Variants in TENM2 observed in about 807,000 individuals in gnomAD.
TENM2 encodes teneurin transmembrane protein 2.
Under a neutral mutation model 245.2 loss-of-function variants are expected in TENM2, and 52 were observed. That is an observed-to-expected ratio of 0.21 (90% CI 0.17 to 0.27). The LOEUF is 0.27. TENM2 is among the 10% of genes least tolerant of loss of function. TENM2 has a pLI of 1.00. For missense variants in TENM2, 3,046 were observed against 3,666.8 expected (o/e 0.83, Z 4.37); for synonymous variants, 1,363 against 1,438.9 (o/e 0.95, Z 1.19).
At chr5:167,828,039 A>C (rs1289534780) in intron 2 of TENM2, among the ~76,000 whole-genome samples, 1 of 152,170 alleles carries the variant, frequency 6.6e-6, no homozygotes, top group African/African-American at 2.4e-5. Flanking sequence ...TTGCCTCTAC[A>C]TGACATTTAT....
In TENM2 at chr5:167,496,201, C is replaced by T. The variant is rs184295019; in HGVS notation, c.502+120728C>T. On this transcript the variant is annotated intron_variant, in intron 2 of 28. Transcript: ENST00000518659. ...ATTTCAGTCCATTGCTTGAATTATT[C>T]GCAAAATTTTCCTTCCTCATTTAGT... Among the ~76,000 whole-genome samples the T allele has an allele frequency of 3.3e-5, 5 of 152,110 alleles. No individual in the cohort carries two copies. In the East Asian group the frequency reaches 7.7e-4, roughly 24 times the overall value.
At chr5:167,823,314 G>GGTA (rs1231438917) in intron 2 of TENM2, among the ~76,000 whole-genome samples, 5 of 152,050 alleles carry the variant, frequency 3.3e-5, no homozygotes, top group Non-Finnish European at 5.9e-5. Context: ...GGGCAGTGAA[G>GGTA]GTAATTACCG....
intron 2 of TENM2, among the ~76,000 whole-genome samples, chr5:167,837,513 T>C (rs1769109031): frequency 6.6e-6 from 1 of 152,198 alleles, no homozygotes; most frequent in African/African-American, 2.4e-5. Flanking sequence ...AACATAGCAT[T>C]CATTCATTTC....
chr5:167,299,443 T>A (rs1755173348), intron 1 of TENM2, among the ~76,000 whole-genome samples: 1 of 152,046 alleles, frequency 6.6e-6, no homozygotes, highest in South Asian at 2.1e-4. Flanking sequence ...AATTTGCCAG[T>A]CCTGGGTGGG....
chr5:167,281,602 G>T (rs1485470147), upstream of TENM2, among the ~76,000 whole-genome samples: 1 of 152,004 alleles, frequency 6.6e-6, no homozygotes, highest in Non-Finnish European at 1.5e-5. Context: ...AACTATCAAG[G>T]GCAGAGCCAA....
chr5:167,277,163 TTTC>T, the TENM2 span, among the ~76,000 whole-genome samples: 1 of 152,076 alleles, frequency 6.6e-6, no homozygotes, highest in African/African-American at 2.4e-5. Context: ...AGTATGTCTT[TTTC>T]TTCTTATTTT....
At chr5:167,613,232 A>G (rs1777586462) in intron 2 of TENM2, among the ~76,000 whole-genome samples, 1 of 152,108 alleles carries the variant, frequency 6.6e-6, no homozygotes, top group Non-Finnish European at 1.5e-5. Context: ...AGATGTCTTA[A>G]TTTTCTAATG....
intron 2 of TENM2, among the ~76,000 whole-genome samples, chr5:167,789,416 G>A (rs1256645371): frequency 1.3e-5 from 2 of 152,124 alleles, no homozygotes; most frequent in Admixed American, 6.5e-5. Flanking sequence ...TTCATTCCTC[G>A]ACTTGAATGG....
the TENM2 span, among the ~76,000 whole-genome samples, chr5:167,145,043 T>C: frequency 6.6e-6 from 1 of 152,172 alleles, no homozygotes; most frequent in Non-Finnish European, 1.5e-5. Flanking sequence ...ATCTCCGCTT[T>C]TGCCACATCA....
chr5:167,192,635 G>A, the TENM2 span, among the ~76,000 whole-genome samples: 1 of 152,080 alleles, frequency 6.6e-6, no homozygotes, highest in Non-Finnish European at 1.5e-5. Flanking sequence ...AATGGAGTCA[G>A]ATAGGCAATA....
the TENM2 span, among the ~76,000 whole-genome samples, chr5:167,015,234 T>C: frequency 1.3e-5 from 2 of 152,330 alleles, no homozygotes; most frequent in East Asian, 3.9e-4. Flanking sequence ...AAAAAACAGA[T>C]TTCTTTTTCT....
chr5:167,042,503 G>C, the TENM2 span, among the ~76,000 whole-genome samples: 1 of 152,198 alleles, frequency 6.6e-6, no homozygotes, highest in South Asian at 2.1e-4. Flanking sequence ...CAGGATGTGT[G>C]GAATCAAAGA....
rs192152493 is a variant in TENM2 at position 167,754,300 on chromosome 5, T to C, written c.503-121686T>C. ...GTACAGGAAAGGAAAAATAATCCCT[T>C]TCAAACTTGATCAGATCTATCTAAA... On this transcript the variant is annotated intron_variant, in intron 2 of 28. Transcript: ENST00000518659. 1.7e-3 allele frequency among the ~76,000 whole-genome samples: 255 copies of C among 152,246 alleles called. 3 individuals carry two copies. The highest frequency in any genetic ancestry group is 5.8e-3 in the African/African-American group (240 of 41,534).
intron 2 of TENM2, among the ~76,000 whole-genome samples, chr5:167,444,708 G>A (rs1582064960): frequency 6.6e-6 from 1 of 152,112 alleles, no homozygotes; most frequent in African/African-American, 2.4e-5. Context: ...GCTGAACCAG[G>A]AATATGATGG....
At chr5:167,151,195 A>T in the TENM2 span, among the ~76,000 whole-genome samples, 1 of 152,206 alleles carries the variant, frequency 6.6e-6, no homozygotes. Context: ...ATCCCTGCCA[A>T]GTGGAGATCA....
chr5:167,557,287 G>T (rs999686915), intron 2 of TENM2, among the ~76,000 whole-genome samples: 81 of 152,206 alleles, frequency 5.3e-4, no homozygotes, highest in African/African-American at 1.8e-3. Context: ...TTACCATCAC[G>T]ATTGTCACCA....
chr5:167,411,573 A>AGTGT (rs60856762), intron 2 of TENM2, among the ~76,000 whole-genome samples: 31,426 of 144,654 alleles, frequency 0.22, 3,367 homozygotes, highest in Middle Eastern at 0.31. Flanking sequence ...TGTAGGTGAG[A>AGTGT]GTGTGTGTGT....
In TENM2 at chr5:167,641,060, A is replaced by G. The variant is rs181543350; in HGVS notation, c.503-234926A>G. On this transcript the variant is annotated intron_variant, in intron 2 of 28. Transcript: ENST00000518659. ...TCAGCTAAACAATCCGTGTTTTATC[A>G]AGCCCTCCAGGGAATTCTGATGCCC... Among the ~76,000 whole-genome samples the G allele has an allele frequency of 1.9e-3, 288 of 151,076 alleles. 3 individuals carry two copies. The highest frequency in any genetic ancestry group is 6.9e-3 in the African/African-American group (283 of 41,214).
chr5:168,254,463 G>GGAGGAAGAGGAAGAAGGGGAGGAA (rs1214548388), intron 27 of TENM2, among the ~76,000 whole-genome samples: 128 of 148,082 alleles, frequency 8.6e-4, no homozygotes, highest in Non-Finnish European at 1.6e-3. Flanking sequence ...AGGAAGAAGG[G>GGAGGAAGAGGAAGAAGGGGAGGAA]GAGGAAGAGG....
Sources: gnomAD v4.1 joint callset for allele counts (sites outside exome capture counted in the v4.1 genomes callset) on GRCh38, gnomAD v4.1.1 for gene constraint, MANE v1.5 for transcripts, NCBI Gene and HGNC (gene_info 2026-07-23, HGNC 2026-07-21) for gene names.